The following SLC2A9 variants were observed in gnomAD, a reference collection of about 807,000 sequenced individuals.
SLC2A9 encodes the protein solute carrier family 2 member 9.
Under a neutral mutation model 50.6 loss-of-function variants are expected in SLC2A9, and 39 were observed. That is an observed-to-expected ratio of 0.77 (90% confidence interval 0.60 to 1.01). SLC2A9 has a LOEUF of 1.01. SLC2A9 is among the 50% of genes least tolerant of loss of function. The pLI is 0.00. For missense variants in SLC2A9, 686 were observed against 677.6 expected, an observed-to-expected ratio of 1.01 and a Z score of -0.14; for synonymous variants, 324 against 276.9, an observed-to-expected ratio of 1.17 and a Z score of -1.69.
intron 3 of SLC2A9, among the ~76,000 whole-genome samples, chr4:9,819,962 G>C (rs964536731): frequency 3.9e-5 from 6 of 152,196 alleles, no homozygotes; most frequent in Non-Finnish European, 7.3e-5. Flanking sequence ...AAAACCCCCA[G>C]TATCTTTCAA....
intron 10 of SLC2A9, among the ~76,000 whole-genome samples, chr4:9,848,645 G>A (rs1041218013): frequency 1.1e-4 from 16 of 151,728 alleles, no homozygotes; most frequent in African/African-American, 3.6e-4. Context: ...TGAATGTGCA[G>A]ATGAAGGGAA....
intron 11 of SLC2A9, among the ~76,000 whole-genome samples, chr4:9,834,077 T>A (rs1017611852): frequency 1.3e-5 from 2 of 152,196 alleles, no homozygotes; most frequent in African/African-American, 4.8e-5. Context: ...AGGCCAAATA[T>A]TAGCCCTGCC....
chr4:9,884,505 G>T (rs1481256866), intron 10 of SLC2A9, among the ~76,000 whole-genome samples: 2 of 151,502 alleles, frequency 1.3e-5, no homozygotes, highest in African/African-American at 4.9e-5. Context: ...TTGGAGGGTT[G>T]GCAATTAAGA....
At position 9,981,020 on chromosome 4, in the gene SLC2A9, G is replaced by T. The variant is rs1448876518; in HGVS notation, c.536-283C>A. ...TGATAATGACGGTGATGGTGATAAC[G>T]GTGGTCGTGATGGTAGTGATGGTGG... is the stretch of plus-strand genomic sequence containing the variant. On this transcript the variant is annotated intron_variant, in intron 4 of 11. Coordinates refer to ENST00000264784, the MANE Select transcript of SLC2A9 (RefSeq NM_020041.3). Among the ~76,000 whole-genome samples, 5 of 152,212 alleles carry T rather than the reference G, an allele frequency of 3.3e-5. No homozygotes were observed. The East Asian group carries it at 9.7e-4, about 29-fold the overall frequency.
chr4:9,784,698 G>C (rs1718991370), intron 3 of SLC2A9, among the ~76,000 whole-genome samples: 1 of 152,172 alleles, frequency 6.6e-6, no homozygotes, highest in South Asian at 2.1e-4. Context: ...CAGCCAAGGG[G>C]AGTGTTTTAT....
intron 1 of SLC2A9, among the ~76,000 whole-genome samples, chr4:10,039,014 C>T (rs551371340): frequency 6.6e-6 from 1 of 152,332 alleles, no homozygotes; most frequent in Admixed American, 6.5e-5. Flanking sequence ...AATGGTTAAA[C>T]AGATGTGCAT....
chr4:9,826,789 T>A lies in SLC2A9; in HGVS notation c.1420-189A>T, dbSNP rs771874637. Among the ~76,000 whole-genome samples the A allele has an allele frequency of 3.3e-5, 5 of 152,340 alleles. No homozygotes were observed. The South Asian group carries it at 6.2e-4, about 19-fold the overall frequency. On this transcript the variant is annotated intron_variant, in intron 11 of 11. Transcript: ENST00000264784. ...GAAGTGTTATCACATAAGGCTTGAATAAATCAGCTTCAAACTCTGGGAAAG... is the reference window on the plus strand; with the variant it reads ...GAAGTGTTATCACATAAGGCTTGAAAAAATCAGCTTCAAACTCTGGGAAAG...
At chr4:9,903,234 G>T (rs1326288292) in intron 8 of SLC2A9, among the ~76,000 whole-genome samples, 1 of 151,556 alleles carries the variant, frequency 6.6e-6, no homozygotes, top group African/African-American at 2.4e-5. Context: ...AAGCAATGGA[G>T]ACTACAGGCA....
intron 11 of SLC2A9, among the ~76,000 whole-genome samples, chr4:9,827,320 A>G (rs1375204333): frequency 1.3e-5 from 2 of 152,194 alleles, no homozygotes; most frequent in Admixed American, 1.3e-4. Context: ...GCCTCAATCA[A>G]TCTGCTTGCT....
Position 9,952,052 on chromosome 4 carries a change from T to C in SLC2A9, c.682-10007A>G, listed in dbSNP as rs144291907. Among the ~76,000 whole-genome samples the C allele has an allele frequency of 2.0e-3, 306 of 152,308 alleles. 1 individual carries two copies. Among genetic ancestry groups the C allele is most frequent in the African/African-American group, 6.9e-3 (287 of 41,564 alleles). ...CTCTGGAGTTGGCCCACCTCTGAGG[T>C]TGGGTCCTGAACCCTGGTCCTGCCA... On this transcript the variant is annotated intron_variant, in intron 5 of 11. Transcript: ENST00000264784.
chr4:9,826,028 T>C (rs968326677), downstream of SLC2A9, among the ~76,000 whole-genome samples: 1 of 152,176 alleles, frequency 6.6e-6, no homozygotes, highest in Non-Finnish European at 1.5e-5. Flanking sequence ...TCAGACCAAA[T>C]TGATTTTTCT....
intron 5 of SLC2A9, among the ~76,000 whole-genome samples, chr4:9,956,686 C>A (rs991929176): frequency 6.6e-6 from 1 of 152,068 alleles, no homozygotes; most frequent in African/African-American, 2.4e-5. Context: ...CTAGGGCTAG[C>A]ATTTCAAATT....
chr4:9,825,799 G>A (rs944939872), downstream of SLC2A9, among the ~76,000 whole-genome samples: 2 of 152,102 alleles, frequency 1.3e-5, no homozygotes, highest in East Asian at 3.9e-4. Context: ...TTGGTATTAG[G>A]CTCTCCAAAG....
intron 6 of SLC2A9, among the ~76,000 whole-genome samples, chr4:9,930,754 G>A (rs1024493829): frequency 1.3e-5 from 2 of 152,238 alleles, no homozygotes; most frequent in African/African-American, 4.8e-5. Flanking sequence ...GAGCTCTGAT[G>A]TGTGGGACCA....
Position 9,881,083 on chromosome 4 carries a change from G to C in SLC2A9, c.1291+6484C>G, listed in dbSNP as rs913049458. ...CACTCCGGGGAGTGGTTCCTGACGA[G>C]CACTTAGCTGTCATCAGATGAGGCC... On this transcript the variant is annotated intron_variant, in intron 10 of 11. Transcript: ENST00000264784. Among the ~76,000 whole-genome samples, 6 of 152,196 alleles carry C rather than the reference G, an allele frequency of 3.9e-5. No homozygotes were observed. The East Asian group carries it at 7.7e-4, about 19-fold the overall frequency.
intron 1 of SLC2A9, among the ~76,000 whole-genome samples, chr4:9,773,422 A>G (rs1156355203): frequency 6.6e-6 from 1 of 152,142 alleles, no homozygotes; most frequent in Non-Finnish European, 1.5e-5. Context: ...GCAAAACCCC[A>G]CCGATTTTCT....
chr4:9,914,565 C>T (rs1371824703), intron 7 of SLC2A9, among the ~76,000 whole-genome samples: 1 of 152,184 alleles, frequency 6.6e-6, no homozygotes, highest in Non-Finnish European at 1.5e-5. Context: ...GTTAGCTGGG[C>T]TTGAAGCTCT....
chr4:10,019,780 G>A (rs13122112), intron 1 of SLC2A9, among the ~76,000 whole-genome samples: 15,750 of 152,292 alleles, frequency 0.1, 1,424 homozygotes, highest in East Asian at 0.46. Context: ...ACCTGCAGAC[G>A]TAGAGATGCA....
rs201740491 is a variant in SLC2A9, at chr4:9,995,730, T to A, written c.410+1051A>T. 5 of 152,386 alleles carry A rather than the reference T, an allele frequency of 3.3e-5. No homozygotes were observed. The East Asian group carries it at 9.6e-4, about 29-fold the overall frequency. 9.4% of individuals were successfully genotyped at this position (152,386 alleles called of 1,614,324 possible). ...CAACTCATGGCCATTCTCCTTCCATTCATTTGGTCTAACTCTTGTAACATT... is the reference window on the plus strand; with the variant it reads ...CAACTCATGGCCATTCTCCTTCCATACATTTGGTCTAACTCTTGTAACATT... On this transcript the variant is annotated intron_variant, in intron 3 of 11. Transcript: ENST00000264784.
Sources: allele counts gnomAD v4.1 joint callset (sites outside exome capture counted in the v4.1 genomes callset), GRCh38; gene constraint gnomAD v4.1.1; transcripts MANE v1.5; gene names NCBI Gene and HGNC (gene_info 2026-07-23, HGNC 2026-07-21).